Variants in QSER1 observed in about 807,000 individuals in gnomAD.
The protein encoded by QSER1 is glutamine and serine rich 1.
QSER1 carries 49 observed loss-of-function variants against 158.5 expected under a neutral mutation model. The observed-to-expected ratio is 0.31, with a 90% CI of 0.25 to 0.39. QSER1 has a LOEUF of 0.39. Ranked by LOEUF, QSER1 falls within the 10% of genes least tolerant of loss-of-function variation. The pLI is 1.00. For missense variants in QSER1, 1,754 were observed against 2,010.3 expected, an observed-to-expected ratio of 0.87 and a Z score of 2.44; for synonymous variants, 650 against 715.5, an observed-to-expected ratio of 0.91 and a Z score of 1.46.
At chr11:32,942,278 T>C (rs1482792578) in intron 4 of QSER1, among the ~76,000 whole-genome samples, 1 of 143,600 alleles carries the variant, frequency 7.0e-6, no homozygotes, top group Admixed American at 7.1e-5. Flanking sequence ...TGCCATTGCT[T>C]TTGGTGTTTT....
rs1413851942 is a variant in QSER1 at position 32,931,737 on chromosome 11, T to C, written c.485-6T>C. ...ACATAAAAATCTTTGTGCCTTTTCT[T>C]CATAGGCATGCATTCCTCAGCAGCA... is the stretch of plus-strand genomic sequence containing the variant. On this transcript the variant is annotated splice_polypyrimidine_tract_variant and splice_region_variant and intron_variant, in intron 3 of 12. Transcript: ENST00000650167. The C allele has an allele frequency of 9.6e-6, 15 of 1,566,594 alleles. No homozygotes were observed. Among genetic ancestry groups the C allele is most frequent in the Non-Finnish European group, 1.3e-5 (15 of 1,159,916 alleles).
chr11:32,907,282 C>T (rs1851706708), intron 1 of QSER1, among the ~76,000 whole-genome samples: 1 of 152,102 alleles, frequency 6.6e-6, no homozygotes, highest in Non-Finnish European at 1.5e-5. Flanking sequence ...TGAACATATT[C>T]TTTTCTACCC....
At position 32,969,239 on chromosome 11, in the gene QSER1, A is replaced by G. The variant is rs1383507271; in HGVS notation, c.5205+96A>G. Reference sequence around the variant, plus strand: ...TTTATGAAAATTATTCACTTACAACATTTTTCACCTAATGAAAATTTGGCT... The same window carrying G: ...TTTATGAAAATTATTCACTTACAACGTTTTTCACCTAATGAAAATTTGGCT... On this transcript the variant is annotated intron_variant, in intron 10 of 12. Coordinates refer to ENST00000650167, the MANE Select transcript of QSER1 (RefSeq NM_001076786.3). 8 of 768,406 alleles carry G rather than the reference A, an allele frequency of 1.0e-5. No homozygotes were observed. In the East Asian group the frequency reaches 1.1e-4, roughly 11 times the overall value. The allele number at this position is 768,406 out of a possible 1,614,324, so 47.6% of individuals were successfully genotyped here. A position where few individuals can be genotyped will look rare whatever the true frequency, so the allele number is the denominator to read the frequency against.
rs1001079855 is a variant in QSER1, at chr11:32,977,155, T to A, written c.*681T>A. The A allele has an allele frequency of 6.6e-6, 1 of 152,626 alleles. No individual in the cohort carries two copies. Among genetic ancestry groups the A allele is most frequent in the African/African-American group, 2.4e-5 (1 of 41,460 alleles). 9.5% of individuals were successfully genotyped at this position (152,626 alleles called of 1,614,324 possible). On this transcript the variant is annotated 3_prime_UTR_variant, in exon 13 of 13. Coordinates refer to ENST00000650167, the MANE Select transcript of QSER1 (RefSeq NM_001076786.3). ...CCTATCGCAAAGAAAAGTATTTTCG[T>A]TTATACTGTTTTTTCCTTTGGAAAA...
intron 1 of QSER1, among the ~76,000 whole-genome samples, chr11:32,895,658 A>C (rs994520971): frequency 6.6e-6 from 1 of 152,206 alleles, no homozygotes; most frequent in African/African-American, 2.4e-5. Flanking sequence ...ATGGATACTT[A>C]TCCATAAAGA....
chr11:32,946,833 C>T (rs548254343), intron 4 of QSER1, among the ~76,000 whole-genome samples: 1 of 152,236 alleles, frequency 6.6e-6, no homozygotes, highest in Non-Finnish European at 1.5e-5. Flanking sequence ...CCCAGCCTCG[C>T]TGCCACCTTG....
At chr11:32,919,397 T>C (rs769542347) in intron 1 of QSER1, among the ~76,000 whole-genome samples, 8 of 152,220 alleles carry the variant, frequency 5.3e-5, no homozygotes, top group Non-Finnish European at 1.2e-4. Context: ...CTTCACAGTT[T>C]TCAGAAGTAC....
intron 1 of QSER1, among the ~76,000 whole-genome samples, chr11:32,911,425 AT>A (rs1422922113): frequency 2.6e-5 from 4 of 151,418 alleles, no homozygotes; most frequent in African/African-American, 4.8e-5. Context: ...AAATAAAAAA[AT>A]AAAAAAGTAC....
At chr11:32,904,601 CTTTTT>C (rs61491135) in intron 1 of QSER1, among the ~76,000 whole-genome samples, 2 of 114,382 alleles carry the variant, frequency 1.7e-5, no homozygotes, top group Non-Finnish European at 1.8e-5. Flanking sequence ...CATATCCACT[CTTTTT>C]TTTTTTTTTT....
chr11:32,954,232 G>A (rs557654215), intron 5 of QSER1, 53 bp downstream of exon 5: 34 of 1,554,546 alleles, frequency 2.2e-5, no homozygotes, highest in African/African-American at 1.8e-4. Context: ...GTGTGCCTGC[G>A]ATAGCCTTCA....
chr11:32,902,623 A>G (rs1038685359), intron 1 of QSER1, among the ~76,000 whole-genome samples: 1 of 152,180 alleles, frequency 6.6e-6, no homozygotes, highest in African/African-American at 2.4e-5. Context: ...TGACAAGACC[A>G]GACAGGTGAG....
At chr11:32,894,300 G>A (rs909170156) in intron 1 of QSER1, among the ~76,000 whole-genome samples, 1 of 152,140 alleles carries the variant, frequency 6.6e-6, no homozygotes, top group African/African-American at 2.4e-5. Context: ...ATGATAACTG[G>A]AAGGCGTGGT....
Position 32,966,238 on chromosome 11 carries a change from GAA to G in QSER1, c.4970-59_4970-58del, listed in dbSNP as rs967364932. ...TCTGCTTCTAGGGTCTCGTTATAGA[GAA>G]AAGTGTTTTTAAAATTGTCAGGAAG... On this transcript the variant is annotated intron_variant, in intron 8 of 12. Transcript: ENST00000650167. 1.1e-5 allele frequency: 17 copies of G among 1,558,958 alleles called. No individual in the cohort carries two copies. In the African/African-American group the frequency reaches 2.3e-4, roughly 21 times the overall value.
chr11:32,951,838 A>ATTT (rs34354021), intron 4 of QSER1, among the ~76,000 whole-genome samples: 6 of 135,994 alleles, frequency 4.4e-5, no homozygotes, highest in Non-Finnish European at 9.3e-5. Context: ...ATTCCTTGGG[A>ATTT]TTTTTTTTTT....
intron 1 of QSER1, among the ~76,000 whole-genome samples, chr11:32,906,404 C>T (rs1472619384): frequency 1.3e-5 from 2 of 152,112 alleles, no homozygotes; most frequent in Non-Finnish European, 1.5e-5. Flanking sequence ...GCCAGGGCAA[C>T]AAGAGCAAAA....
At chr11:32,902,535 T>C (rs561499318) in intron 1 of QSER1, among the ~76,000 whole-genome samples, 5 of 152,322 alleles carry the variant, frequency 3.3e-5, no homozygotes, top group South Asian at 2.1e-4. Flanking sequence ...AAGAACTTCC[T>C]TGAGCACCAG....
At chr11:32,921,969 T>C (rs1431879929) in intron 1 of QSER1, among the ~76,000 whole-genome samples, 4 of 152,228 alleles carry the variant, frequency 2.6e-5, no homozygotes, top group African/African-American at 9.6e-5. Context: ...TATTGGTTTT[T>C]GACAGAGGTG....
chr11:32,953,424 C>T (rs1212643503), intron 4 of QSER1, among the ~76,000 whole-genome samples: 1 of 151,996 alleles, frequency 6.6e-6, no homozygotes, highest in East Asian at 1.9e-4. Context: ...ACTATCATAG[C>T]TCACTGTAAC....
intron 1 of QSER1, among the ~76,000 whole-genome samples, chr11:32,904,064 T>G (rs962654559): frequency 6.6e-6 from 1 of 152,246 alleles, no homozygotes; most frequent in African/African-American, 2.4e-5. Flanking sequence ...TTCGGCTACA[T>G]GCTGGGTGAC....
Sources: gnomAD v4.1 joint callset for allele counts (sites outside exome capture counted in the v4.1 genomes callset) on GRCh38, gnomAD v4.1.1 for gene constraint, MANE v1.5 for transcripts, NCBI Gene and HGNC (gene_info 2026-07-23, HGNC 2026-07-21) for gene names.